Variants in ADAM12 observed in about 807,000 individuals in gnomAD.
ADAM12 encodes disintegrin and metalloproteinase domain-containing protein 12.
ADAM12 carries 70 observed loss-of-function variants against 106.4 expected under a neutral mutation model. The observed-to-expected ratio is 0.66, with a 90% CI of 0.54 to 0.80. The LOEUF (loss-of-function observed/expected upper bound fraction) is 0.80. ADAM12 is among the 30% of genes least tolerant of loss of function. The probability of loss-of-function intolerance (pLI) is 0.00; values close to 1 mark genes in which losing one functional copy is unlikely to be tolerated. For synonymous variants in ADAM12, 420 were observed against 433.5 expected, an observed-to-expected ratio of 0.97 and a Z score of 0.39; for missense variants, 1,010 against 1,171.9, an observed-to-expected ratio of 0.86 and a Z score of 2.02.
At chr10:126,320,640 G>C (rs1355241838) in intron 2 of ADAM12, among the ~76,000 whole-genome samples, 3 of 152,124 alleles carry the variant, frequency 2.0e-5, no homozygotes, top group Admixed American at 6.5e-5. Context: ...GCTTTCCTCT[G>C]ACATAAAATT....
At chr10:126,310,541 A>G (rs566741445) in intron 2 of ADAM12, among the ~76,000 whole-genome samples, 4 of 152,334 alleles carry the variant, frequency 2.6e-5, no homozygotes, top group Non-Finnish European at 5.9e-5. Context: ...GTTACACAGC[A>G]AAACCCATGG....
At chr10:126,199,001 T>C (rs1386786661) in intron 3 of ADAM12, among the ~76,000 whole-genome samples, 1 of 152,178 alleles carries the variant, frequency 6.6e-6, no homozygotes, top group Non-Finnish European at 1.5e-5. Context: ...GCAGAAGGCC[T>C]GTAGATTCCA....
chr10:126,273,567 C>T (rs991951288), intron 3 of ADAM12, among the ~76,000 whole-genome samples: 2 of 152,032 alleles, frequency 1.3e-5, no homozygotes, highest in Non-Finnish European at 2.9e-5. Flanking sequence ...AATCCCTGGG[C>T]ATGTCAAGAT....
At chr10:126,192,910 G>C (rs1360487141) in intron 3 of ADAM12, among the ~76,000 whole-genome samples, 1 of 152,228 alleles carries the variant, frequency 6.6e-6, no homozygotes, top group East Asian at 1.9e-4. Flanking sequence ...TCCAATGGGA[G>C]AGAGTCGCCA....
intron 3 of ADAM12, among the ~76,000 whole-genome samples, chr10:126,235,641 C>T (rs1442155107): frequency 1.3e-5 from 2 of 152,200 alleles, no homozygotes; most frequent in Non-Finnish European, 2.9e-5. Flanking sequence ...AAGATGCCAC[C>T]AGGATGCGTG....
chr10:126,232,255 G>T (rs1247579122), intron 3 of ADAM12, among the ~76,000 whole-genome samples: 1 of 152,092 alleles, frequency 6.6e-6, no homozygotes, highest in Non-Finnish European at 1.5e-5. Flanking sequence ...GTCAGAGAGA[G>T]AAATTAGAAG....
intron 3 of ADAM12, among the ~76,000 whole-genome samples, chr10:126,228,517 A>C (rs1036855398): frequency 3.3e-5 from 5 of 152,320 alleles, no homozygotes; most frequent in Non-Finnish European, 7.4e-5. Context: ...ATGTTTTTTG[A>C]AATACTTAAA....
At chr10:126,149,292 C>T (rs1379068617) in intron 4 of ADAM12, among the ~76,000 whole-genome samples, 2 of 152,206 alleles carry the variant, frequency 1.3e-5, no homozygotes, top group Non-Finnish European at 2.9e-5. Context: ...ACTAAGATGC[C>T]TGGATATGTA....
intron 4 of ADAM12, among the ~76,000 whole-genome samples, chr10:126,152,213 A>G (rs1466525132): frequency 6.6e-6 from 1 of 152,026 alleles, no homozygotes; most frequent in Non-Finnish European, 1.5e-5. Context: ...GTCAGTATTG[A>G]AAGCTTTTTT....
At position 126,038,309 on chromosome 10, in the gene ADAM12, A is replaced by G. The variant is rs1251893814; in HGVS notation, c.2281T>C (p.Cys761Arg). ...PSRPPRGFQP[C>R]QAHLGHLGKG... ...CCAAGGTGGCCGAGGTGAGCCTGACAGGGTTGGAAGCCACGGGGTGGCCGG... is the reference window on the plus strand; with the variant it reads ...CCAAGGTGGCCGAGGTGAGCCTGACGGGGTTGGAAGCCACGGGGTGGCCGG... Residue 761 changes from cysteine to arginine, a missense_variant, in exon 20 of 23, where the codon TGT becomes CGT. Transcript: ENST00000448723. The G allele has an allele frequency of 6.2e-7, 1 of 1,609,986 alleles. No individual in the cohort carries two copies. Among genetic ancestry groups the G allele is most frequent in the Non-Finnish European group, 8.5e-7 (1 of 1,177,550 alleles).
chr10:126,064,953 G>C lies in ADAM12; in HGVS notation c.1462C>G (p.Leu488Val). 1 of 1,613,106 alleles carries C rather than the reference G, an allele frequency of 6.2e-7. No individual in the cohort carries two copies. Among genetic ancestry groups the C allele is most frequent in the Non-Finnish European group, 8.5e-7 (1 of 1,179,712 alleles). The change falls in exon 14 of 23, where the codon CTC becomes GTC. Residue 488 changes from leucine to valine, a missense_variant. By Grantham distance (32) the Leu-to-Val change is conservative. This residue lies in a region of ADAM12 where 615 missense variants were observed against 708.5 expected (regional missense o/e 0.87). Transcript: ENST00000448723. The surrounding 1 kb of genome is among the most constrained non-coding windows in gnomAD (Gnocchi z 4.4). ...ACRDSSNSCDLPEFCTGASPH... is the reference protein window; with the variant it reads ...ACRDSSNSCDVPEFCTGASPH... ...CTGGCCCCTGTGCAGAACTCTGGGA[G>C]GTCACAGGAGTTGCTGGAGTCCCTG...
chr10:126,221,684 G>A (rs1046981329), intron 3 of ADAM12, among the ~76,000 whole-genome samples: 19 of 152,268 alleles, frequency 1.2e-4, no homozygotes, highest in African/African-American at 3.9e-4. Context: ...ATCCAACACC[G>A]AGGAGACAGA....
intron 3 of ADAM12, among the ~76,000 whole-genome samples, chr10:126,160,089 A>T (rs1324888342): frequency 1.3e-5 from 2 of 152,194 alleles, no homozygotes; most frequent in Non-Finnish European, 2.9e-5. Flanking sequence ...ACTTGTGTAC[A>T]TTGTATCTTC....
intron 1 of ADAM12, among the ~76,000 whole-genome samples, chr10:126,353,159 C>T (rs1196788339): frequency 6.6e-6 from 1 of 152,204 alleles, no homozygotes; most frequent in Non-Finnish European, 1.5e-5. Flanking sequence ...ATGGCTGTAA[C>T]ACCCTATGAG....
At chr10:126,368,438 C>G (rs776452056) in intron 1 of ADAM12, among the ~76,000 whole-genome samples, 18 of 146,452 alleles carry the variant, frequency 1.2e-4, no homozygotes, top group Non-Finnish European at 1.8e-4. Flanking sequence ...TAGGGTACAA[C>G]TTTAAGGAAT....
chr10:126,382,205 A>C (rs1404893815), intron 1 of ADAM12, among the ~76,000 whole-genome samples: 1 of 152,112 alleles, frequency 6.6e-6, no homozygotes, highest in Non-Finnish European at 1.5e-5. Context: ...GGCCAAGGCC[A>C]ATACAGGCTG....
At chr10:126,041,042 G>A (rs757224293) in intron 18 of ADAM12, among the ~76,000 whole-genome samples, 12 of 152,118 alleles carry the variant, frequency 7.9e-5, no homozygotes, top group Middle Eastern at 3.4e-3. Context: ...TGTTTCCCTC[G>A]CCCCCTTCAG....
At chr10:126,036,418 G>T in intron 20 of ADAM12, 93 bp from the exon 21 acceptor site, 1 of 1,284,702 alleles carries the variant, frequency 7.8e-7, no homozygotes, top group Non-Finnish European at 1.1e-6. Context: ...ATCTGTTATA[G>T]CTGAAGGCCA....
intron 3 of ADAM12, among the ~76,000 whole-genome samples, chr10:126,246,287 C>T (rs1263596458): frequency 6.6e-6 from 1 of 152,156 alleles, no homozygotes; most frequent in Non-Finnish European, 1.5e-5. Flanking sequence ...TTACTTGACT[C>T]TCCAATTTAT....
Sources: gnomAD v4.1 joint callset for allele counts (sites outside exome capture counted in the v4.1 genomes callset) on GRCh38, gnomAD v4.1.1 for gene constraint, gnomAD v4.1.1 regional missense constraint, Gnocchi (gnomAD v3.1) non-coding constraint, MANE v1.5 for transcripts, NCBI Gene and HGNC (gene_info 2026-07-23, HGNC 2026-07-21) for gene names.